The following PXDNL variants were observed in gnomAD, a reference collection of about 807,000 sequenced individuals.
The protein encoded by PXDNL is probable oxidoreductase PXDNL.
PXDNL carries 145 observed loss-of-function variants against 150.8 expected under a neutral mutation model. The ratio of observed to expected loss-of-function variants is 0.96; its 90% CI spans 0.84 to 1.10. The LOEUF (loss-of-function observed/expected upper bound fraction) is 1.10. Ranked by LOEUF, PXDNL falls within the 50% of genes least tolerant of loss-of-function variation. PXDNL has a pLI of 0.00. For synonymous variants in PXDNL, 757 were observed against 725.7 expected, an observed-to-expected ratio of 1.04 and a Z score of -0.69; for missense variants, 2,087 against 1,873.9, an observed-to-expected ratio of 1.11 and a Z score of -2.10.
At chr8:51,781,487 CA>C (rs1355736659) in intron 1 of PXDNL, among the ~76,000 whole-genome samples, 10 of 152,190 alleles carry the variant, frequency 6.6e-5, no homozygotes, top group Non-Finnish European at 1.3e-4. Flanking sequence ...TTTCTGGGAA[CA>C]CCTCAGTTTT....
At chr8:51,526,466 C>T (rs1247097393) in intron 4 of PXDNL, among the ~76,000 whole-genome samples, 1 of 151,908 alleles carries the variant, frequency 6.6e-6, no homozygotes, top group African/African-American at 2.4e-5. Flanking sequence ...TGAGGTTATA[C>T]AGCCATCTAG....
intron 1 of PXDNL, among the ~76,000 whole-genome samples, chr8:51,678,908 T>C (rs1815686277): frequency 6.6e-6 from 1 of 152,206 alleles, no homozygotes; most frequent in African/African-American, 2.4e-5. Flanking sequence ...TTGTTTTGAC[T>C]ACATAAAACC....
chr8:51,730,903 C>T (rs1816904516), intron 1 of PXDNL, among the ~76,000 whole-genome samples: 1 of 152,062 alleles, frequency 6.6e-6, no homozygotes, highest in South Asian at 2.1e-4. Context: ...CAAGAAAGAC[C>T]CACCCCCATG....
At chr8:51,332,853 A>G (rs903819617) in intron 21 of PXDNL, among the ~76,000 whole-genome samples, 7 of 152,238 alleles carry the variant, frequency 4.6e-5, no homozygotes, top group Non-Finnish European at 1.0e-4. Flanking sequence ...ATATGACCAA[A>G]CCTAAGAATA....
intron 4 of PXDNL, among the ~76,000 whole-genome samples, chr8:51,532,741 GTCTCT>G (rs1246789660): frequency 6.6e-6 from 1 of 152,092 alleles, no homozygotes; most frequent in African/African-American, 2.4e-5. Flanking sequence ...TTCTGGTGCT[GTCTCT>G]TCTATTTTCT....
chr8:51,646,635 C>T (rs1376388281), intron 2 of PXDNL, among the ~76,000 whole-genome samples: 1 of 152,016 alleles, frequency 6.6e-6, no homozygotes, highest in Non-Finnish European at 1.5e-5. Flanking sequence ...GAGGAAAGCA[C>T]ACAGATAGAA....
intron 2 of PXDNL, among the ~76,000 whole-genome samples, chr8:51,603,567 T>C (rs1396784559): frequency 6.6e-6 from 1 of 152,116 alleles, no homozygotes; most frequent in Non-Finnish European, 1.5e-5. Flanking sequence ...GTTGTTACTA[T>C]ACTTCCTTAT....
intron 1 of PXDNL, among the ~76,000 whole-genome samples, chr8:51,731,261 T>G (rs1277360117): frequency 1.3e-5 from 2 of 152,132 alleles, no homozygotes; most frequent in Non-Finnish European, 2.9e-5. Context: ...TGGGAGAAAT[T>G]GGCCAAAACA....
intron 5 of PXDNL, among the ~76,000 whole-genome samples, chr8:51,496,819 A>C (rs1420654162): frequency 6.6e-6 from 1 of 152,240 alleles, no homozygotes; most frequent in African/African-American, 2.4e-5. Flanking sequence ...TTCCATGCTC[A>C]TGGGTAGGAA....
intron 2 of PXDNL, among the ~76,000 whole-genome samples, chr8:51,606,210 G>A (rs1265959901): frequency 6.6e-6 from 1 of 152,118 alleles, no homozygotes; most frequent in Admixed American, 6.5e-5. Context: ...ACATTGCCAT[G>A]GAGTATCACA....
At chr8:51,786,675 C>T (rs184392227) in intron 1 of PXDNL, among the ~76,000 whole-genome samples, 1 of 152,248 alleles carries the variant, frequency 6.6e-6, no homozygotes, top group Non-Finnish European at 1.5e-5. Context: ...ATCTCCATAA[C>T]ATAAAAGTAC....
chr8:51,533,173 CAG>C (rs1811942782), intron 4 of PXDNL, among the ~76,000 whole-genome samples: 1 of 152,038 alleles, frequency 6.6e-6, no homozygotes, highest in African/African-American at 2.4e-5. Context: ...TTTTTTGAGG[CAG>C]AGTCTTGCCC....
intron 1 of PXDNL, among the ~76,000 whole-genome samples, chr8:51,679,326 TA>T: frequency 6.6e-6 from 1 of 152,310 alleles, no homozygotes; most frequent in East Asian, 1.9e-4. Flanking sequence ...GTACTTTGCA[TA>T]AACCCCTTAA....
chr8:51,587,571 G>A (rs1378994125), intron 3 of PXDNL, among the ~76,000 whole-genome samples: 1 of 152,108 alleles, frequency 6.6e-6, no homozygotes, highest in East Asian at 1.9e-4. Flanking sequence ...CAATTCTGTG[G>A]TATAGTCAAA....
intron 11 of PXDNL, among the ~76,000 whole-genome samples, chr8:51,447,649 A>G (rs1486242956): frequency 6.6e-6 from 1 of 152,184 alleles, no homozygotes; most frequent in Non-Finnish European, 1.5e-5. Flanking sequence ...ACCAGAGGCC[A>G]TTGTACTTTG....
intron 17 of PXDNL, among the ~76,000 whole-genome samples, chr8:51,399,633 C>T (rs1331967565): frequency 6.6e-6 from 1 of 152,194 alleles, no homozygotes; most frequent in Non-Finnish European, 1.5e-5. Flanking sequence ...TGACAATGCT[C>T]TTTGTCTTCA....
chr8:51,320,793 G>A lies in PXDNL; in HGVS notation c.4251C>T (p.Cys1417=). 6.2e-7 allele frequency: 1 copy of A among 1,612,260 alleles called. No individual in the cohort carries two copies. Among genetic ancestry groups the A allele is most frequent in the Non-Finnish European group, 8.5e-7 (1 of 1,178,538 alleles). Residue 1417 remains cysteine (C), a synonymous_variant, in exon 22 of 23, where the codon TGC becomes TGT. Coordinates refer to ENST00000356297, the MANE Select transcript of PXDNL (RefSeq NM_144651.5). The stretch of plus-strand genomic sequence containing the variant: ...AACTCGCAGCACAAACCTCACAAAT[G>A]CAGTGAGTGCAGTCTTCTTTCATCC... ...ERWMKEDCTH[C]ICESGQVTCV...
chr8:51,431,556 G>C (rs541110686), intron 12 of PXDNL, among the ~76,000 whole-genome samples: 1 of 152,132 alleles, frequency 6.6e-6, no homozygotes, highest in African/African-American at 2.4e-5. Flanking sequence ...TCTCCTTCTG[G>C]GAATAACTTT....
At chr8:51,462,557 A>G (rs567702246) in intron 8 of PXDNL, among the ~76,000 whole-genome samples, 194 of 152,330 alleles carry the variant, frequency 1.3e-3, no homozygotes, top group Non-Finnish European at 2.4e-3. Context: ...CTCAGAGCTC[A>G]AAAACTGGTT....
Sources: gnomAD v4.1 joint callset for allele counts (sites outside exome capture counted in the v4.1 genomes callset) on GRCh38, gnomAD v4.1.1 for gene constraint, MANE v1.5 for transcripts, NCBI Gene and HGNC (gene_info 2026-07-23, HGNC 2026-07-21) for gene names.